Variants in VWA3A observed in about 807,000 individuals in gnomAD.
VWA3A encodes von Willebrand factor A domain containing 3A.
In VWA3A, 134 loss-of-function variants were observed where a neutral mutation model predicts 160.4. The ratio of observed to expected loss-of-function variants is 0.84; its 90% CI spans 0.73 to 0.96. VWA3A has a LOEUF of 0.96. VWA3A is among the 40% of genes least tolerant of loss of function. The probability of loss-of-function intolerance (pLI) is 0.00; values close to 1 mark genes in which losing one functional copy is unlikely to be tolerated. For synonymous variants in VWA3A, 476 were observed against 543.4 expected (o/e 0.88, Z 1.72); for missense variants, 1,310 against 1,447.9 (o/e 0.90, Z 1.55).
At chr16:22,138,756 C>A (rs1228293473) in intron 22 of VWA3A, among the ~76,000 whole-genome samples, 1 of 152,056 alleles carries the variant, frequency 6.6e-6, no homozygotes, top group East Asian at 1.9e-4. Flanking sequence ...CCTATCCCAG[C>A]CTTTTCCCTA....
intron 31 of VWA3A, 53 bp from the exon 32 acceptor site, chr16:22,155,514 G>T (rs1051694859): frequency 2.6e-6 from 4 of 1,545,950 alleles, no homozygotes; most frequent in Non-Finnish European, 3.6e-6. Context: ...TGAGATTTTG[G>T]ATTTTCAGCT....
intron 17 of VWA3A, 138 bp from the exon 18 acceptor site, chr16:22,131,067 C>A: frequency 1.3e-6 from 1 of 748,050 alleles, no homozygotes; most frequent in Non-Finnish European, 2.3e-6. Context: ...TCATGGCTGG[C>A]CCAGGCCAGT....
Position 22,140,158 on chromosome 16 carries a change from T to C in VWA3A, c.2297T>C (p.Ile766Thr). Residue 766 changes from isoleucine (I) to threonine (T), a missense_variant, in exon 23 of 34, where the codon ATT (isoleucine) becomes ACT (threonine). Coordinates refer to ENST00000389398, the MANE Select transcript of VWA3A (RefSeq NM_173615.5). Reference protein sequence around the residue: ...PTVPLGARMSIKDDPDREKSP... With the variant: ...PTVPLGARMSTKDDPDREKSP... Reference sequence around the variant, plus strand: ...GAAAGATTGCCTGTTTTCTAGAGCATTAAAGATGACCCTGACAGAGAGAAG... The same window carrying C: ...GAAAGATTGCCTGTTTTCTAGAGCACTAAAGATGACCCTGACAGAGAGAAG... 1 of 1,613,230 alleles carries C rather than the reference T, an allele frequency of 6.2e-7. No individual in the cohort carries two copies. Among genetic ancestry groups the C allele is most frequent in the Non-Finnish European group, 8.5e-7 (1 of 1,179,484 alleles).
At chr16:22,112,256 A>G (rs930396775) in intron 8 of VWA3A, among the ~76,000 whole-genome samples, 1 of 152,134 alleles carries the variant, frequency 6.6e-6, no homozygotes, top group Non-Finnish European at 1.5e-5. Context: ...CCCACCATGT[A>G]TTGGTTACCA....
At chr16:22,132,716 A>G (rs1310663674) in intron 19 of VWA3A, 184 bp from the exon 20 acceptor site, 8 of 612,748 alleles carry the variant, frequency 1.3e-5, no homozygotes, top group Admixed American at 3.0e-5. Flanking sequence ...CAGCTCCCCA[A>G]CCACACTCTG....
At chr16:22,110,350 G>A (rs1006936380) in intron 7 of VWA3A, among the ~76,000 whole-genome samples, 1 of 152,184 alleles carries the variant, frequency 6.6e-6, no homozygotes, top group Non-Finnish European at 1.5e-5. Flanking sequence ...CTGCAGAGCC[G>A]TTATGAGGCT....
intron 1 of VWA3A, among the ~76,000 whole-genome samples, chr16:22,096,048 T>C (rs2045316015): frequency 6.6e-6 from 1 of 152,326 alleles, no homozygotes; most frequent in East Asian, 1.9e-4. Flanking sequence ...CATTAAGCAA[T>C]GTCTAGAGAC....
At chr16:22,108,293 A>G (rs1016421316) in intron 6 of VWA3A, among the ~76,000 whole-genome samples, 2 of 152,222 alleles carry the variant, frequency 1.3e-5, no homozygotes, top group Non-Finnish European at 2.9e-5. Flanking sequence ...AAATTGTACA[A>G]TCAATAGGAA....
At chr16:22,133,867 T>G (rs998480871) in intron 20 of VWA3A, among the ~76,000 whole-genome samples, 3 of 152,108 alleles carry the variant, frequency 2.0e-5, no homozygotes, top group Admixed American at 1.3e-4. Context: ...TCATAGAATG[T>G]CAGAGCTAGA....
At chr16:22,141,775 A>C (rs1598098764) in intron 24 of VWA3A, 83 bp downstream of exon 24, 4 of 1,193,222 alleles carry the variant, frequency 3.4e-6, no homozygotes. Flanking sequence ...TGGGAAGGAG[A>C]CCCCTCCTGC....
intron 17 of VWA3A, among the ~76,000 whole-genome samples, chr16:22,129,325 C>T (rs549559378): frequency 6.8e-6 from 1 of 146,876 alleles, no homozygotes; most frequent in East Asian, 2.0e-4. Flanking sequence ...GGAGGTGGAG[C>T]TTGCAGTGAG....
intron 22 of VWA3A, among the ~76,000 whole-genome samples, chr16:22,138,916 G>A (rs928866479): frequency 6.6e-6 from 1 of 152,078 alleles, no homozygotes; most frequent in African/African-American, 2.4e-5. Flanking sequence ...AGGAGCCTGA[G>A]GGTGGGCTGA....
chr16:22,140,763 A>G (rs1448444327), intron 23 of VWA3A, among the ~76,000 whole-genome samples: 1 of 151,894 alleles, frequency 6.6e-6, no homozygotes, highest in Middle Eastern at 3.4e-3. Context: ...GGTGTGTGCC[A>G]CCACGCCTGG....
At chr16:22,128,398 G>A (rs1218600363) in intron 17 of VWA3A, among the ~76,000 whole-genome samples, 1 of 152,124 alleles carries the variant, frequency 6.6e-6, no homozygotes, top group Non-Finnish European at 1.5e-5. Flanking sequence ...AGAGTGCGTG[G>A]CCAGTAAGAA....
intron 19 of VWA3A, 101 bp from the exon 20 acceptor site, chr16:22,132,799 A>G (rs2045971456): frequency 1.2e-5 from 14 of 1,160,440 alleles, no homozygotes; most frequent in Non-Finnish European, 1.7e-5. Context: ...GACCAGGCAC[A>G]GAGAAGGCCC....
intron 11 of VWA3A, among the ~76,000 whole-genome samples, chr16:22,117,812 G>A (rs892252896): frequency 6.6e-6 from 1 of 152,168 alleles, no homozygotes; most frequent in Non-Finnish European, 1.5e-5. Flanking sequence ...CATCTCACAA[G>A]TGAATTCAAA....
chr16:22,100,303 A>T lies in VWA3A; in HGVS notation c.335A>T (p.Gln112Leu), dbSNP rs74345637. 1,670 of 1,551,606 alleles carry T rather than the reference A, an allele frequency of 1.1e-3. 15 individuals carry two copies. The African/African-American group carries it at 0.019, about 17-fold the overall frequency. ...CTCACCTTGGCTGACCTGATAAGCC[A>T]GGGCACAGAAGTGCTGTAAGTCTGA... ...QKLTLADLIS[Q>L]GTEVLEEGTN... is the part of the protein sequence containing the mutation. The change falls in exon 4 of 34, where the codon CAG becomes CTG. Residue 112 changes from glutamine to leucine, a missense_variant. By Grantham distance (113) the Gln-to-Leu change is moderately radical. Transcript: ENST00000389398.
At chr16:22,122,957 C>T (rs1598070038) in intron 14 of VWA3A, 128 bp from the exon 15 acceptor site, 2 of 713,686 alleles carry the variant, frequency 2.8e-6, no homozygotes, top group Non-Finnish European at 4.9e-6. Context: ...GGAGGGAGTT[C>T]GATCCGACCT....
chr16:22,131,805 AG>A lies in VWA3A; in HGVS notation c.1872+78del. ...CTTCCCCCAGGTGGATACCTTGCCAAGGTTTCTGCAGCATGATTTCTAAACC... is the reference window on the plus strand; with the variant it reads ...CTTCCCCCAGGTGGATACCTTGCCAAGTTTCTGCAGCATGATTTCTAAACC... On this transcript the variant is annotated intron_variant, in intron 19 of 33. Coordinates refer to ENST00000389398, the MANE Select transcript of VWA3A (RefSeq NM_173615.5). 2.6e-6 allele frequency: 4 copies of A among 1,510,438 alleles called. No homozygotes were observed. In the Admixed American group the frequency reaches 8.9e-5, roughly 34 times the overall value. The allele number at this position is 1,510,438 out of a possible 1,614,324, so 93.6% of individuals were successfully genotyped here.
Sources: gnomAD v4.1 joint callset for allele counts (sites outside exome capture counted in the v4.1 genomes callset) on GRCh38, gnomAD v4.1.1 for gene constraint, MANE v1.5 for transcripts, NCBI Gene and HGNC (gene_info 2026-07-23, HGNC 2026-07-21) for gene names.